Variants in ANXA7 observed in about 807,000 individuals in gnomAD.
ANXA7 encodes annexin A7, also known as annexin VII.
In ANXA7, 55 loss-of-function variants were observed where a neutral mutation model predicts 64.9. That is an observed-to-expected ratio of 0.85 (90% CI 0.68 to 1.06). ANXA7 has a LOEUF of 1.06. Among genes scored for constraint, ANXA7 ranks in the 50% least tolerant of loss-of-function variants. ANXA7 has a pLI of 0.00. For missense variants in ANXA7, 548 were observed against 582.1 expected, an observed-to-expected ratio of 0.94 and a Z score of 0.60; for synonymous variants, 200 against 192.4, an observed-to-expected ratio of 1.04 and a Z score of -0.33.
Position 73,387,741 on chromosome 10 carries a change from G to C in ANXA7, c.581C>G (p.Ser194Cys). The change falls in exon 7 of 13, where the codon TCC (serine) becomes TGC (cysteine). Residue 194 changes from serine (S) to cysteine (C), a missense_variant. Transcript: ENST00000372921. Reference sequence around the variant, plus strand: ...TTTAATTTTTTGCCTCTGATCATTGGAACGGTTGGCCACCACATCCACAAT... The same window carrying C: ...TTTAATTTTTTGCCTCTGATCATTGCAACGGTTGGCCACCACATCCACAAT... ...QAIVDVVANR[S>C]NDQRQKIKAA... 1.2e-6 allele frequency: 2 copies of C among 1,613,940 alleles called. No homozygotes were observed. The highest frequency in any genetic ancestry group is 2.2e-5 in the South Asian group (2 of 91,076).
At chr10:73,390,745 C>T (rs909141511) in intron 5 of ANXA7, among the ~76,000 whole-genome samples, 69 of 142,774 alleles carry the variant, frequency 4.8e-4, no homozygotes, top group Admixed American at 4.2e-4. Context: ...CACACACACA[C>T]ATATATATAT....
chr10:73,405,956 T>C (rs994368714), intron 1 of ANXA7, among the ~76,000 whole-genome samples: 2 of 146,318 alleles, frequency 1.4e-5, no homozygotes, highest in Non-Finnish European at 3.0e-5. Flanking sequence ...AGTATTTTTC[T>C]CTTCTTTTTT....
Position 73,379,961 on chromosome 10 carries a change from A to G in ANXA7, c.1090-7T>C, listed in dbSNP as rs1355147208. The G allele has an allele frequency of 4.3e-6, 7 of 1,613,560 alleles. No homozygotes were observed. The highest frequency in any genetic ancestry group is 5.1e-6 in the Non-Finnish European group (6 of 1,179,870). Reference sequence around the variant, plus strand: ...ACAAGTCTCGATTAGCCATCTGCAAACAAAATTAAAGGGTTAAATATTTTT... The same window carrying G: ...ACAAGTCTCGATTAGCCATCTGCAAGCAAAATTAAAGGGTTAAATATTTTT... On this transcript the variant is annotated splice_region_variant and splice_polypyrimidine_tract_variant and intron_variant, in intron 10 of 12. Transcript: ENST00000372921.
chr10:73,412,586 C>T (rs547907367), intron 1 of ANXA7, among the ~76,000 whole-genome samples: 1 of 149,414 alleles, frequency 6.7e-6, no homozygotes, highest in South Asian at 2.2e-4. Context: ...CTCTGCCTCC[C>T]GGGTTCAAGC....
At chr10:73,393,810 A>G (rs1289420331) in intron 5 of ANXA7, among the ~76,000 whole-genome samples, 1 of 152,256 alleles carries the variant, frequency 6.6e-6, no homozygotes, top group Admixed American at 6.5e-5. Flanking sequence ...CAAGGACTTC[A>G]TGTCTAAAAC....
intron 9 of ANXA7, among the ~76,000 whole-genome samples, chr10:73,380,750 A>G (rs2055262662): frequency 6.6e-6 from 1 of 152,218 alleles, no homozygotes; most frequent in Non-Finnish European, 1.5e-5. Context: ...AATTAAACCC[A>G]AAATGTTTAA....
At chr10:73,388,618 C>A (rs992080343) in intron 5 of ANXA7, among the ~76,000 whole-genome samples, 8 of 152,114 alleles carry the variant, frequency 5.3e-5, no homozygotes, top group African/African-American at 1.7e-4. Context: ...TTTTCTCCTG[C>A]CAACAGATAG....
Position 73,383,171 on chromosome 10 carries a change from T to G in ANXA7, c.918+4A>C, listed in dbSNP as rs778889003. 3 of 1,610,202 alleles carry G rather than the reference T, an allele frequency of 1.9e-6. No individual in the cohort carries two copies. Among genetic ancestry groups the G allele is most frequent in the Admixed American group, 3.4e-5 (2 of 59,560 alleles). ...CAACGCACAAGCATTCATACTATAC[T>G]CACCTGGCACATGGACACAAGTAAA... is the stretch of plus-strand genomic sequence containing the variant. On this transcript the variant is annotated splice_donor_region_variant and intron_variant, in intron 9 of 12. Coordinates refer to ENST00000372921, the MANE Select transcript of ANXA7 (RefSeq NM_001156.5).
At chr10:73,383,063 T>A (rs779353542) in intron 9 of ANXA7, 112 bp downstream of exon 9, 4 of 921,762 alleles carry the variant, frequency 4.3e-6, no homozygotes, top group Non-Finnish European at 6.4e-6. Flanking sequence ...CTCTTAAAGA[T>A]GGCAATATTG....
intron 1 of ANXA7, among the ~76,000 whole-genome samples, chr10:73,405,093 A>G (rs2055731747): frequency 6.6e-6 from 1 of 152,106 alleles, no homozygotes; most frequent in South Asian, 2.1e-4. Context: ...AATCCAAAAA[A>G]TTAGCCGGGT....
At chr10:73,397,526 T>C (rs9971036) in intron 3 of ANXA7, among the ~76,000 whole-genome samples, 23,004 of 152,168 alleles carry the variant, frequency 0.15, 2,839 homozygotes, top group African/African-American at 0.32. Context: ...GGCACAATCT[T>C]GGCTCACTGC....
intron 7 of ANXA7, among the ~76,000 whole-genome samples, chr10:73,384,196 C>T (rs2055325444): frequency 6.6e-6 from 1 of 151,990 alleles, no homozygotes; most frequent in Non-Finnish European, 1.5e-5. Context: ...ACATTTATTA[C>T]ACTCAAGCAG....
chr10:73,394,415 T>G (rs1172583936), intron 5 of ANXA7, among the ~76,000 whole-genome samples: 1 of 152,210 alleles, frequency 6.6e-6, no homozygotes, highest in Non-Finnish European at 1.5e-5. Flanking sequence ...TGCACACGTA[T>G]GTTTATTGCA....
At chr10:73,392,718 A>G (rs1264215767) in intron 5 of ANXA7, among the ~76,000 whole-genome samples, 1 of 152,196 alleles carries the variant, frequency 6.6e-6, no homozygotes, top group Non-Finnish European at 1.5e-5. Flanking sequence ...AATAAGAGCT[A>G]TTTATGACAA....
chr10:73,378,817 A>G, intron 12 of ANXA7, 94 bp downstream of exon 12: 1 of 887,392 alleles, frequency 1.1e-6, no homozygotes, highest in Non-Finnish European at 1.8e-6. Flanking sequence ...CTTTCTTATC[A>G]TTTTTGAGGG....
intron 5 of ANXA7, among the ~76,000 whole-genome samples, chr10:73,392,956 T>C (rs893144634): frequency 1.1e-4 from 17 of 152,272 alleles, no homozygotes; most frequent in East Asian, 5.8e-4. Context: ...GAAAACCCCA[T>C]TGTCTCAGCC....
At chr10:73,398,107 G>A (rs1261911176) in intron 3 of ANXA7, 74 bp downstream of exon 3, 16 of 1,439,240 alleles carry the variant, frequency 1.1e-5, no homozygotes, top group Non-Finnish European at 1.5e-5. Flanking sequence ...AAGCAGGAAT[G>A]AAGAGGATAA....
At chr10:73,410,178 C>T (rs1207243897) in intron 1 of ANXA7, among the ~76,000 whole-genome samples, 1 of 151,978 alleles carries the variant, frequency 6.6e-6, no homozygotes, top group East Asian at 1.9e-4. Context: ...AACTAAAAAG[C>T]TTCGGCACAG....
At chr10:73,387,656 T>C (rs1273338086) in intron 7 of ANXA7, 33 bp downstream of exon 7, 2 of 1,496,766 alleles carry the variant, frequency 1.3e-6, no homozygotes, top group African/African-American at 1.4e-5. Flanking sequence ...TACCAGCCAC[T>C]GCTGGTGCTC....
Sources: gnomAD v4.1 joint callset for allele counts (sites outside exome capture counted in the v4.1 genomes callset) on GRCh38, gnomAD v4.1.1 for gene constraint, MANE v1.5 for transcripts, NCBI Gene and HGNC (gene_info 2026-07-23, HGNC 2026-07-21) for gene names.